AUTS2: variants seen among roughly 807,000 people sequenced by gnomAD.
AUTS2 encodes the protein activator of transcription and developmental regulator AUTS2.
In AUTS2, 17 loss-of-function variants were observed where a neutral mutation model predicts 112.4. The ratio of observed to expected loss-of-function variants is 0.15; its 90% CI spans 0.10 to 0.23. The LOEUF is 0.23. Ranked by LOEUF, AUTS2 falls within the 10% of genes least tolerant of loss-of-function variation. The pLI, the probability that AUTS2 is intolerant of heterozygous loss-of-function variation, is 1.00. For missense variants in AUTS2, 1,510 were observed against 1,701.6 expected (o/e 0.89, Z 1.98); for synonymous variants, 751 against 702.7 (o/e 1.07, Z -1.09).
Position 70,165,150 on chromosome 7 carries a change from A to G in AUTS2, c.660+30579A>G, listed in dbSNP as rs182987881. On this transcript the variant is annotated intron_variant, in intron 4 of 18. Transcript: ENST00000342771. Reference sequence around the variant, plus strand: ...TAAGTGACCTTGAGGATAGGCTAATAAAGCCTTTCAACTGAAATAGAGCAA... The same window carrying G: ...TAAGTGACCTTGAGGATAGGCTAATGAAGCCTTTCAACTGAAATAGAGCAA... Among the ~76,000 whole-genome samples, 444 of 152,334 alleles carry G rather than the reference A, an allele frequency of 2.9e-3. 5 individuals are homozygous for G. The highest frequency in any genetic ancestry group is 0.01 in the African/African-American group (430 of 41,582).
At chr7:70,013,395 A>G (rs940137532) in intron 2 of AUTS2, among the ~76,000 whole-genome samples, 1 of 152,220 alleles carries the variant, frequency 6.6e-6, no homozygotes, top group Non-Finnish European at 1.5e-5. Context: ...ATTCTGCTCA[A>G]GTCAAGATCG....
At chr7:69,626,037 C>T (rs1461803269) in intron 1 of AUTS2, among the ~76,000 whole-genome samples, 3 of 152,126 alleles carry the variant, frequency 2.0e-5, no homozygotes, top group Admixed American at 6.5e-5. Flanking sequence ...CAGCTCCTAA[C>T]ATCTACCACC....
chr7:69,876,349 A>AAAAAT (rs1554396465), intron 1 of AUTS2, among the ~76,000 whole-genome samples: 2 of 29,494 alleles, frequency 6.8e-5, no homozygotes, highest in Admixed American at 6.5e-4. Context: ...AAAAAAAAAA[A>AAAAAT]ATATATATAT....
intron 1 of AUTS2, among the ~76,000 whole-genome samples, chr7:69,633,167 AT>A (rs1164246291): frequency 5.3e-5 from 8 of 152,232 alleles, no homozygotes; most frequent in African/African-American, 1.9e-4. Context: ...AAGATTCCAT[AT>A]ATAAGTGAGA....
chr7:70,532,241 G>T (rs930804610), intron 5 of AUTS2, among the ~76,000 whole-genome samples: 3 of 152,170 alleles, frequency 2.0e-5, no homozygotes, highest in African/African-American at 4.8e-5. Flanking sequence ...CACAAAACTG[G>T]CCCAGAGTTA....
intron 6 of AUTS2, among the ~76,000 whole-genome samples, chr7:70,705,197 C>T (rs1019539274): frequency 6.6e-6 from 1 of 152,186 alleles, no homozygotes; most frequent in Non-Finnish European, 1.5e-5. Context: ...AAGTCAAATA[C>T]ACTCTCGTCT....
intron 4 of AUTS2, among the ~76,000 whole-genome samples, chr7:70,176,887 C>G (rs2129579962): frequency 6.6e-6 from 1 of 152,274 alleles, no homozygotes; most frequent in South Asian, 2.1e-4. Flanking sequence ...AGATCATACC[C>G]TGGAAGTTGT....
intron 4 of AUTS2, among the ~76,000 whole-genome samples, chr7:70,165,408 G>A (rs7799192): frequency 6.6e-6 from 1 of 151,936 alleles, no homozygotes; most frequent in Non-Finnish European, 1.5e-5. Flanking sequence ...TGAAGACAGA[G>A]AAAAAAATAA....
At chr7:70,775,637 C>G (rs1014115743) in intron 13 of AUTS2, among the ~76,000 whole-genome samples, 7 of 151,926 alleles carry the variant, frequency 4.6e-5, no homozygotes, top group African/African-American at 1.7e-4. Context: ...CTCTTGTTAG[C>G]AGTTCTGGTA....
intron 5 of AUTS2, among the ~76,000 whole-genome samples, chr7:70,643,748 A>T (rs1302591269): frequency 6.6e-6 from 1 of 152,140 alleles, no homozygotes; most frequent in Admixed American, 6.5e-5. Flanking sequence ...TGAATGTATC[A>T]TCTCTGATCT....
intron 1 of AUTS2, among the ~76,000 whole-genome samples, chr7:69,790,710 A>G (rs1487611694): frequency 6.6e-6 from 1 of 152,270 alleles, no homozygotes; most frequent in Non-Finnish European, 1.5e-5. Context: ...TTATCAGAGC[A>G]TAGTCTCAAC....
chr7:69,753,847 C>T (rs1787840575), intron 1 of AUTS2, among the ~76,000 whole-genome samples: 1 of 152,180 alleles, frequency 6.6e-6, no homozygotes, highest in Non-Finnish European at 1.5e-5. Context: ...GGCAGTCTCC[C>T]TGAGGTTCAG....
At chr7:70,244,337 T>C (rs766480348) in intron 4 of AUTS2, among the ~76,000 whole-genome samples, 1 of 152,194 alleles carries the variant, frequency 6.6e-6, no homozygotes, top group African/African-American at 2.4e-5. Flanking sequence ...AAAGATCAAA[T>C]TGTTTTAAAA....
chr7:70,581,668 C>G (rs1357531523), intron 5 of AUTS2, among the ~76,000 whole-genome samples: 2 of 152,230 alleles, frequency 1.3e-5, no homozygotes, highest in African/African-American at 4.8e-5. Context: ...CCCCTTCTCC[C>G]TATCCAACCT....
chr7:70,395,638 G>A (rs900404354), intron 4 of AUTS2, among the ~76,000 whole-genome samples: 1 of 152,200 alleles, frequency 6.6e-6, no homozygotes, highest in South Asian at 2.1e-4. Flanking sequence ...GCTGCCATGT[G>A]CTTAACATAG....
chr7:70,136,170 T>G, intron 4 of AUTS2, among the ~76,000 whole-genome samples: 1 of 152,184 alleles, frequency 6.6e-6, no homozygotes, highest in East Asian at 1.9e-4. Context: ...TTAAAGAGTC[T>G]TTAATTACAT....
At chr7:70,632,613 T>A (rs1805321423) in intron 5 of AUTS2, among the ~76,000 whole-genome samples, 1 of 151,958 alleles carries the variant, frequency 6.6e-6, no homozygotes, top group African/African-American at 2.4e-5. Flanking sequence ...TCCCACGTCT[T>A]CCCTGCCTGA....
chr7:70,181,628 A>C (rs1809309215), intron 4 of AUTS2, among the ~76,000 whole-genome samples: 1 of 151,378 alleles, frequency 6.6e-6, no homozygotes, highest in Non-Finnish European at 1.5e-5. Context: ...CTGAGATTGC[A>C]GGCACTCGCC....
chr7:70,599,578 A>G (rs1188051954), intron 5 of AUTS2, among the ~76,000 whole-genome samples: 1 of 152,210 alleles, frequency 6.6e-6, no homozygotes, highest in Non-Finnish European at 1.5e-5. Context: ...GATTTCTCAT[A>G]TGCATTATGA....
Sources: allele counts gnomAD v4.1 joint callset (sites outside exome capture counted in the v4.1 genomes callset), GRCh38; gene constraint gnomAD v4.1.1; transcripts MANE v1.5; gene names NCBI Gene and HGNC (gene_info 2026-07-23, HGNC 2026-07-21).